Variants in TUBB8 observed in about 807,000 individuals in gnomAD.
TUBB8 encodes the protein tubulin beta 8 class VIII, also known as tubulin beta-8 chain.
TUBB8 carries 25 observed loss-of-function variants against 33.7 expected under a neutral mutation model. The observed-to-expected ratio is 0.74, with a 90% CI of 0.54 to 1.04. TUBB8 has a LOEUF of 1.04. Ranked by LOEUF, TUBB8 falls within the 50% of genes least tolerant of loss-of-function variation. The pLI is 0.00. For missense variants in TUBB8, 279 were observed against 608.0 expected, an observed-to-expected ratio of 0.46 and a Z score of 5.69; for synonymous variants, 245 against 240.1, an observed-to-expected ratio of 1.02 and a Z score of -0.19.
At chr10:48,754 G>C (rs782407922) in intron 2 of TUBB8, 29 bp from the exon 3 acceptor site, 2 of 1,608,168 alleles carry the variant, frequency 1.2e-6, no homozygotes, top group East Asian at 2.2e-5. Flanking sequence ...CATGAGCGAG[G>C]GGAGGGCCGC....
chr10:67,705 G>A (rs1228708337), intron 1 of TUBB8, among the ~76,000 whole-genome samples: 20 of 152,320 alleles, frequency 1.3e-4, no homozygotes, highest in African/African-American at 3.6e-4. Context: ...GATTACAGGC[G>A]TGAGCCACCA....
chr10:61,672 G>A (rs1834603669), intron 1 of TUBB8, among the ~76,000 whole-genome samples: 2 of 152,162 alleles, frequency 1.3e-5, no homozygotes, highest in African/African-American at 4.8e-5. Flanking sequence ...TGTCTGGAAG[G>A]TCTATCCAAT....
rs570544214 is a variant in TUBB8 at position 61,149 on chromosome 10, G to A, written c.-845-10916C>T. 1.1e-4 allele frequency among the ~76,000 whole-genome samples: 16 copies of A among 151,670 alleles called. No individual in the cohort carries two copies. The South Asian group carries it at 1.7e-3, about 16-fold the overall frequency. The stretch of plus-strand genomic sequence containing the variant: ...TAGATGACGAGTTAGTGGGTGCAGC[G>A]CACCAGCATGGCACATGTATACATA... On this transcript the variant is annotated intron_variant, in intron 1 of 3. Coordinates refer to the TUBB8 transcript ENST00000564130.
intron 1 of TUBB8, among the ~76,000 whole-genome samples, chr10:67,434 T>C (rs1307480331): frequency 1.3e-4 from 19 of 151,062 alleles, no homozygotes; most frequent in African/African-American, 4.5e-4. Flanking sequence ...TTGTTTTTTG[T>C]TTTTTCCAGA....
chr10:69,590 G>C (rs1215476284), intron 1 of TUBB8, among the ~76,000 whole-genome samples: 1 of 152,128 alleles, frequency 6.6e-6, no homozygotes, highest in Non-Finnish European at 1.5e-5. Context: ...TCTCAGTGTT[G>C]AACGAAAGGC....
intron 1 of TUBB8, among the ~76,000 whole-genome samples, chr10:62,785 T>G (rs1183724168): frequency 6.6e-6 from 1 of 152,266 alleles, no homozygotes; most frequent in Non-Finnish European, 1.5e-5. Context: ...AAGTCTTTTT[T>G]TTCTTCAGCT....
At chr10:71,889 G>T (rs1834740791) in intron 1 of TUBB8, among the ~76,000 whole-genome samples, 1 of 150,912 alleles carries the variant, frequency 6.6e-6, no homozygotes, top group South Asian at 2.1e-4. Flanking sequence ...CAGCCTGGGT[G>T]ATAGAGCAAG....
At position 48,595 on chromosome 10, in the gene TUBB8, A is replaced by G. The variant is rs782164901; in HGVS notation, c.277+20T>C. 14 of 1,602,256 alleles carry G rather than the reference A, an allele frequency of 8.7e-6. No homozygotes were observed. In the South Asian group the frequency reaches 1.5e-4, roughly 18 times the overall value. ...TGCCCTGGCTAAGGAGCCGCACCCC[A>G]GTCCTCGCCCGCAGCTCACCGAAGA... is the stretch of plus-strand genomic sequence containing the variant. On this transcript the variant is annotated intron_variant, in intron 3 of 3. Transcript: ENST00000568584.
Position 49,293 on chromosome 10 carries a change from C to T in TUBB8, c.-55G>A. ...AACGTGAGAAGGAGGAGCAGACGCGCAGCGACCCAGCCCGCCCTCCGCCAA... is the reference window on the plus strand; with the variant it reads ...AACGTGAGAAGGAGGAGCAGACGCGTAGCGACCCAGCCCGCCCTCCGCCAA... On this transcript the variant is annotated 5_prime_UTR_variant, in exon 1 of 4. Transcript: ENST00000568584. The T allele has an allele frequency of 4.6e-6, 7 of 1,533,414 alleles. No individual in the cohort carries two copies. The South Asian group carries it at 7.2e-5, about 16-fold the overall frequency. The allele number at this position is 1,533,414 out of a possible 1,614,324, so 95.0% of individuals were successfully genotyped here. A position where few individuals can be genotyped will look rare whatever the true frequency, so the allele number is the denominator to read the frequency against.
At chr10:64,051 T>G (rs1554741248) in intron 1 of TUBB8, among the ~76,000 whole-genome samples, 1 of 152,160 alleles carries the variant, frequency 6.6e-6, no homozygotes, top group African/African-American at 2.4e-5. Context: ...TCTCTTAATT[T>G]TTCAAGTAGA....
At chr10:49,349 C>T (rs74113794), upstream of TUBB8, 5 of 1,126,910 alleles carry the variant, frequency 4.4e-6, no homozygotes, top group Middle Eastern at 2.8e-4. Flanking sequence ...CACCTCCCTC[C>T]GCCTCGGATT....
intron 1 of TUBB8, among the ~76,000 whole-genome samples, chr10:67,026 T>C (rs577211589): frequency 2.3e-4 from 35 of 152,296 alleles, no homozygotes; most frequent in Admixed American, 5.2e-4. Context: ...ATTTCTGAAC[T>C]CAAAATTCAG....
chr10:64,975 T>TA (rs61340461), intron 1 of TUBB8, among the ~76,000 whole-genome samples: 29 of 118,534 alleles, frequency 2.4e-4, no homozygotes, highest in East Asian at 5.5e-4. Flanking sequence ...CCATCTCCAC[T>TA]AAAAAAAAAA....
chr10:76,139 CAAAA>C (rs71374333), upstream of TUBB8, among the ~76,000 whole-genome samples: 1 of 73,358 alleles, frequency 1.4e-5, no homozygotes, highest in African/African-American at 6.4e-5. Context: ...AACTCCGTCT[CAAAA>C]AAAAAAAAAA....
chr10:73,285 T>C (rs1301250814), intron 1 of TUBB8, among the ~76,000 whole-genome samples: 1 of 152,210 alleles, frequency 6.6e-6, no homozygotes, highest in South Asian at 2.1e-4. Context: ...GTGAGCATGA[T>C]AATGTGCCTA....
intron 1 of TUBB8, among the ~76,000 whole-genome samples, chr10:73,817 G>C (rs1554742704): frequency 6.6e-6 from 1 of 151,608 alleles, no homozygotes; most frequent in Non-Finnish European, 1.5e-5. Context: ...ATTCCTAACC[G>C]GCATCTTGGC....
chr10:71,939 G>C (rs1330765688), intron 1 of TUBB8, among the ~76,000 whole-genome samples: 1 of 150,154 alleles, frequency 6.7e-6, no homozygotes, highest in Non-Finnish European at 1.5e-5. Flanking sequence ...CAATAAAAAT[G>C]TAAAGGCTGG....
intron 1 of TUBB8, among the ~76,000 whole-genome samples, chr10:72,608 CTT>C (rs1398164997): frequency 6.6e-6 from 1 of 151,294 alleles, no homozygotes; most frequent in Non-Finnish European, 1.5e-5. Flanking sequence ...AATCCCAACA[CTT>C]TGAGAGGCCA....
At chr10:67,404 A>G (rs547282306) in intron 1 of TUBB8, among the ~76,000 whole-genome samples, 58 of 152,268 alleles carry the variant, frequency 3.8e-4, no homozygotes, top group Admixed American at 1.2e-3. Context: ...GAAATTTTCC[A>G]TGTACAAGTT....
Sources: allele counts gnomAD v4.1 joint callset (sites outside exome capture counted in the v4.1 genomes callset), GRCh38; gene constraint gnomAD v4.1.1; transcripts MANE v1.5; gene names NCBI Gene and HGNC (gene_info 2026-07-23, HGNC 2026-07-21).